The following A1CF variants were observed in gnomAD, a reference collection of about 807,000 sequenced individuals.
A1CF encodes the protein APOBEC1 complementation factor.
A1CF carries 48 observed loss-of-function variants against 68.9 expected under a neutral mutation model. The observed-to-expected ratio is 0.70, with a 90% CI of 0.55 to 0.89. The LOEUF (loss-of-function observed/expected upper bound fraction) is 0.89, where lower values mean the gene tolerates loss of function less well. Ranked by LOEUF, A1CF falls within the 40% of genes least tolerant of loss-of-function variation. The probability of loss-of-function intolerance (pLI) is 0.00; values close to 1 mark genes in which losing one functional copy is unlikely to be tolerated. For missense variants in A1CF, 653 were observed against 718.9 expected, an observed-to-expected ratio of 0.91 and a Z score of 1.05; for synonymous variants, 272 against 260.4, an observed-to-expected ratio of 1.04 and a Z score of -0.43.
chr10:50,820,703 G>A, intron 7 of A1CF, 54 bp from the exon 8 acceptor site: 1 of 1,472,812 alleles, frequency 6.8e-7, no homozygotes, highest in Non-Finnish European at 9.3e-7. Flanking sequence ...AGCCTTGAAA[G>A]TGATATATTT....
Position 50,836,062 on chromosome 10 carries a change from G to A in A1CF, c.604+12C>T. ...GCAGAGAAGTCTCATCTTTGAGGAG[G>A]GGATTGCTAACCTGGTAGCAGTTTC... On this transcript the variant is annotated intron_variant, in intron 6 of 12. Coordinates refer to ENST00000373997, the MANE Select transcript of A1CF (RefSeq NM_014576.4). The A allele has an allele frequency of 6.3e-7, 1 of 1,585,242 alleles. No homozygotes were observed. Among genetic ancestry groups the A allele is most frequent in the Non-Finnish European group, 8.6e-7 (1 of 1,165,026 alleles).
chr10:50,863,104 T>G (rs1279685728), intron 2 of A1CF: 2 of 152,248 alleles, frequency 1.3e-5, no homozygotes, highest in Non-Finnish European at 1.5e-5. Flanking sequence ...CACTCTGAAG[T>G]TATTGAGAAA....
At position 50,814,009 on chromosome 10, in the gene A1CF, G is replaced by A. The variant is rs766706018; in HGVS notation, c.1171C>T (p.Arg391Cys). 8.1e-6 allele frequency: 13 copies of A among 1,613,594 alleles called. No individual in the cohort carries two copies. The highest frequency in any genetic ancestry group is 3.3e-5 in the Admixed American group (2 of 59,962). Residue 391 changes from arginine (R) to cysteine (C), a missense_variant, in exon 10 of 13, where the codon CGT becomes TGT. By Grantham distance (180) the Arg-to-Cys change is radical. Transcript: ENST00000373997. ...GAAGVRGLGG[R>C]GYLAYTGLGR... ...AGGCCTGTGTATGCCAAATAGCCAC[G>A]GCCGCCCAGTCCTCTCACTCCCGCA...
intron 7 of A1CF, among the ~76,000 whole-genome samples, chr10:50,825,667 G>A (rs1042414316): frequency 9.2e-5 from 14 of 152,078 alleles, no homozygotes; most frequent in Non-Finnish European, 1.2e-4. Context: ...GCTCCTATAT[G>A]GAGAAGAAAG....
chr10:50,823,185 C>G (rs1418406734), intron 7 of A1CF, among the ~76,000 whole-genome samples: 4 of 152,106 alleles, frequency 2.6e-5, no homozygotes, highest in Non-Finnish European at 5.9e-5. Flanking sequence ...TATTTAAAAA[C>G]TTAGCCTCAT....
chr10:50,843,942 T>G (rs759472677), intron 4 of A1CF, 46 bp downstream of exon 4: 2 of 1,608,614 alleles, frequency 1.2e-6, no homozygotes, highest in Non-Finnish European at 1.7e-6. Flanking sequence ...GAACAGTATT[T>G]TTCCCTTGAA....
In A1CF at chr10:50,816,053, T is replaced by A; in HGVS notation, c.1094A>T (p.Lys365Ile). Residue 365 changes from lysine (K) to isoleucine (I), a missense_variant, in exon 9 of 13, where the codon AAA becomes ATA. Lys to Ile is a moderately radical substitution (Grantham distance 102). Coordinates refer to ENST00000373997, the MANE Select transcript of A1CF (RefSeq NM_014576.4). ...AATGGCTCTGTTGCTGAGATGTCCT[T>A]TGGTGGCTGGGAAATGAAGACTGGG... ...AIPSLHFPAT[K>I]GHLSNRAIIR... The A allele has an allele frequency of 6.2e-7, 1 of 1,613,712 alleles. No homozygotes were observed. The highest frequency in any genetic ancestry group is 8.5e-7 in the Non-Finnish European group (1 of 1,179,802).
chr10:50,835,040 C>T (rs184229957), intron 6 of A1CF, among the ~76,000 whole-genome samples: 262 of 152,226 alleles, frequency 1.7e-3, no homozygotes, highest in Middle Eastern at 3.4e-3. Flanking sequence ...GATGACTTGA[C>T]CAAATGCTGG....
At chr10:50,870,538 A>G (rs999159275) in intron 1 of A1CF, among the ~76,000 whole-genome samples, 1 of 151,886 alleles carries the variant, frequency 6.6e-6, no homozygotes, top group Non-Finnish European at 1.5e-5. Context: ...ATATACATGT[A>G]GTGGACAAAA....
intron 3 of A1CF, among the ~76,000 whole-genome samples, chr10:50,853,388 T>C (rs184083436): frequency 6.6e-6 from 1 of 152,152 alleles, no homozygotes; most frequent in Non-Finnish European, 1.5e-5. Context: ...TTCAATGTAA[T>C]TTTTCCTAAA....
intron 8 of A1CF, among the ~76,000 whole-genome samples, chr10:50,820,316 G>T (rs1180097249): frequency 6.6e-6 from 1 of 152,084 alleles, no homozygotes; most frequent in Non-Finnish European, 1.5e-5. Context: ...GAAATTGAGG[G>T]CCAGTGACTT....
chr10:50,816,278 A>C lies in A1CF; in HGVS notation c.869T>G (p.Val290Gly), dbSNP rs1564497832. The C allele has an allele frequency of 6.2e-7, 1 of 1,613,236 alleles. No homozygotes were observed. Among genetic ancestry groups the C allele is most frequent in the Non-Finnish European group, 8.5e-7 (1 of 1,179,568 alleles). Residue 290 changes from valine to glycine, a missense_variant and splice_region_variant, in exon 9 of 13, where the codon GTG (valine) becomes GGG (glycine). Val to Gly is a moderately radical substitution (Grantham distance 109). Coordinates refer to ENST00000373997, the MANE Select transcript of A1CF (RefSeq NM_014576.4). Reference protein sequence around the residue: ...VEAMKALNGKVLDGSPIEVTL... With the variant: ...VEAMKALNGKGLDGSPIEVTL... The stretch of plus-strand genomic sequence containing the variant: ...GACTTCAATGGGGGAACCATCCAGC[A>C]CCTGTTGTAGAGAGCAAAGAAATAT...
At chr10:50,837,101 A>G (rs1839537731) in intron 5 of A1CF, among the ~76,000 whole-genome samples, 1 of 152,196 alleles carries the variant, frequency 6.6e-6, no homozygotes, top group South Asian at 2.1e-4. Context: ...TCTGTTAAAA[A>G]CAGTCTTTTA....
chr10:50,866,765 G>T (rs138869173), intron 1 of A1CF, among the ~76,000 whole-genome samples: 83 of 152,292 alleles, frequency 5.5e-4, no homozygotes, highest in African/African-American at 1.9e-3. Flanking sequence ...AGTGAGATTT[G>T]TTATCTAGAT....
chr10:50,860,401 G>C (rs1397941907), intron 2 of A1CF, among the ~76,000 whole-genome samples: 1 of 152,186 alleles, frequency 6.6e-6, no homozygotes, highest in Non-Finnish European at 1.5e-5. Flanking sequence ...CAGAGATTGA[G>C]TTTTAGTCTG....
In A1CF at chr10:50,806,877, T is replaced by C. The variant is rs1452160153; in HGVS notation, c.1613A>G (p.Tyr538Cys). ...GGGTGCAGTTGCATTAGGGACAGCA[T>C]ATCCTGGAGGAAGAGGCAGAGAAAA... ...AAAAATAFPG[Y>C]AVPNATAPVS... The change falls in exon 13 of 13, where the codon TAT becomes TGT. Residue 538 changes from tyrosine (Y) to cysteine (C), a missense_variant. Transcript: ENST00000373997. 1 of 1,603,532 alleles carries C rather than the reference T, an allele frequency of 6.2e-7. No homozygotes were observed. Among genetic ancestry groups the C allele is most frequent in the South Asian group, 1.1e-5 (1 of 88,508 alleles).
intron 1 of A1CF, among the ~76,000 whole-genome samples, chr10:50,883,813 C>A (rs543190214): frequency 5.9e-5 from 9 of 152,326 alleles, no homozygotes; most frequent in African/African-American, 2.2e-4. Context: ...CGTGCTTGGG[C>A]TCTGGATCAG....
rs1838017003 is a variant in A1CF at position 50,809,916 on chromosome 10, A to G, written c.1587T>C (p.Ala529=). 1 of 1,613,998 alleles carries G rather than the reference A, an allele frequency of 6.2e-7. No individual in the cohort carries two copies. Among genetic ancestry groups the G allele is most frequent in the East Asian group, 2.2e-5 (1 of 44,848 alleles). The stretch of plus-strand genomic sequence containing the variant: ...TACCTGGGAAAGCAGTAGCAGCAGC[A>G]GCAGCAGTAGCCATGGTGCCATCGC... ...DGGDGTMATA[A]AAATAFPGYA... The change falls in exon 12 of 13, where the codon GCT becomes GCC. Residue 529 remains alanine, a synonymous_variant. Transcript: ENST00000373997.
At chr10:50,816,417 G>T in intron 8 of A1CF, 138 bp from the exon 9 acceptor site, 1 of 1,067,530 alleles carries the variant, frequency 9.4e-7, no homozygotes, top group Non-Finnish European at 1.3e-6. Flanking sequence ...TCATTTTATA[G>T]GTTTGTTTTG....
Sources: gnomAD v4.1 joint callset for allele counts (sites outside exome capture counted in the v4.1 genomes callset) on GRCh38, gnomAD v4.1.1 for gene constraint, MANE v1.5 for transcripts, NCBI Gene and HGNC (gene_info 2026-07-23, HGNC 2026-07-21) for gene names.